Variants in BIRC6 observed in about 807,000 individuals in gnomAD.
BIRC6 encodes dual E2 ubiquitin-conjugating enzyme/E3 ubiquitin-protein ligase BIRC6.
In BIRC6, 98 loss-of-function variants were observed where a neutral mutation model predicts 503.3. The ratio of observed to expected loss-of-function variants is 0.19; its 90% confidence interval spans 0.17 to 0.23. The LOEUF is 0.23. Ranked by LOEUF, BIRC6 falls within the 10% of genes least tolerant of loss-of-function variation. BIRC6 has a pLI of 1.00. For synonymous variants in BIRC6, 2,240 were observed against 2,078.7 expected (o/e 1.08, Z -2.11); for missense variants, 5,360 against 5,806.0 (o/e 0.92, Z 2.50).
chr2:32,441,190 G>A (rs1031835956), intron 16 of BIRC6, 139 bp from the exon 17 acceptor site: 6 of 648,052 alleles, frequency 9.3e-6, no homozygotes, highest in African/African-American at 9.1e-5. Flanking sequence ...GAATATGAGG[G>A]TACAAGCTAT....
chr2:32,400,793 CAT>C (rs761524706), intron 6 of BIRC6, among the ~76,000 whole-genome samples: 3 of 152,056 alleles, frequency 2.0e-5, no homozygotes, highest in Non-Finnish European at 4.4e-5. Flanking sequence ...TAAATTGAAA[CAT>C]AGTAGTTAAT....
chr2:32,580,352 A>G (rs527902456), intron 66 of BIRC6, among the ~76,000 whole-genome samples: 60 of 152,212 alleles, frequency 3.9e-4, no homozygotes, highest in Non-Finnish European at 7.8e-4. Context: ...TAAAGGATAC[A>G]TAGGAATTAA....
chr2:32,466,943 C>G (rs935717183), intron 26 of BIRC6, among the ~76,000 whole-genome samples: 13 of 151,904 alleles, frequency 8.6e-5, no homozygotes, highest in African/African-American at 3.1e-4. Context: ...CTTGGTGAAA[C>G]CCTGTCTCTA....
intron 21 of BIRC6, among the ~76,000 whole-genome samples, chr2:32,446,508 C>A (rs962539514): frequency 2.6e-5 from 4 of 152,124 alleles, no homozygotes; most frequent in African/African-American, 9.7e-5. Flanking sequence ...ACATTTTACT[C>A]AAAGCCTTTG....
At chr2:32,543,196 G>T (rs768316591) in intron 61 of BIRC6, 45 bp from the exon 62 acceptor site, 2 of 1,556,464 alleles carry the variant, frequency 1.3e-6, no homozygotes, top group East Asian at 2.3e-5. Context: ...TGAATCTGAT[G>T]TTGAAAATGT....
intron 13 of BIRC6, 139 bp downstream of exon 13, chr2:32,433,943 T>A (rs2044407862): frequency 7.3e-6 from 5 of 680,714 alleles, no homozygotes; most frequent in Non-Finnish European, 1.1e-5. Flanking sequence ...GTGATTTTAT[T>A]TAAAAAAGTA....
At chr2:32,516,575 C>A (rs1572751457) in intron 55 of BIRC6, among the ~76,000 whole-genome samples, 2 of 125,634 alleles carry the variant, frequency 1.6e-5, no homozygotes, top group South Asian at 2.5e-4. Context: ...GTCTGGGTGA[C>A]AGAGTGAGAC....
At chr2:32,531,267 A>G (rs2056729280) in intron 60 of BIRC6, 88 bp from the exon 61 acceptor site, 1 of 1,108,540 alleles carries the variant, frequency 9.0e-7, no homozygotes, top group Non-Finnish European at 1.3e-6. Context: ...GTAGCAAGAA[A>G]GCAGTAATAC....
rs542973803 is a variant in BIRC6 at position 32,482,920 on chromosome 2, G to T, written c.7696+338G>T. 4.6e-4 allele frequency among the ~76,000 whole-genome samples: 65 copies of T among 142,458 alleles called. 1 individual carries two copies. The South Asian group carries it at 0.015, about 32-fold the overall frequency. 93.5% of individuals were successfully genotyped at this position (142,458 alleles called of 152,430 possible). A position where few individuals can be genotyped will look rare whatever the true frequency, so the allele number is the denominator to read the frequency against. ...ACATTAAATAAGTATTATTTTTGCAGTTTTTTTTTTTTTTTGAGATGGAGT... is the reference window on the plus strand; with the variant it reads ...ACATTAAATAAGTATTATTTTTGCATTTTTTTTTTTTTTTTGAGATGGAGT... On this transcript the variant is annotated intron_variant, in intron 39 of 73. Transcript: ENST00000421745.
intron 59 of BIRC6, 136 bp downstream of exon 59, chr2:32,525,764 A>G: frequency 1.3e-6 from 1 of 794,782 alleles, no homozygotes. Flanking sequence ...CTTCTTCCAT[A>G]CAGTTCCTCC....
chr2:32,503,353 A>T (rs1380221307), intron 49 of BIRC6, 117 bp downstream of exon 49: 1 of 842,224 alleles, frequency 1.2e-6, no homozygotes, highest in Non-Finnish European at 1.8e-6. Context: ...TTAATTACAA[A>T]CAGTTTATTT....
chr2:32,439,448 A>T, intron 15 of BIRC6, 60 bp from the exon 16 acceptor site: 1 of 1,490,632 alleles, frequency 6.7e-7, no homozygotes, highest in East Asian at 2.3e-5. Flanking sequence ...TATGAAGATG[A>T]AAAACAGTGG....
At chr2:32,604,067 C>CT (rs1242743705) in intron 71 of BIRC6, among the ~76,000 whole-genome samples, 1 of 151,888 alleles carries the variant, frequency 6.6e-6, no homozygotes, top group East Asian at 1.9e-4. Flanking sequence ...TTGCATGCCT[C>CT]TAATATATTT....
chr2:32,590,915 T>G (rs931097787), intron 66 of BIRC6: 1 of 985,750 alleles, frequency 1.0e-6, no homozygotes, highest in African/African-American at 1.7e-5. Flanking sequence ...CTCAAAGACC[T>G]ACTTCCAGCT....
intron 9 of BIRC6, among the ~76,000 whole-genome samples, chr2:32,412,004 G>A (rs1227637448): frequency 6.6e-6 from 1 of 151,708 alleles, no homozygotes; most frequent in African/African-American, 2.4e-5. Context: ...GGTCTTGAAC[G>A]GAACTCCTAA....
intron 48 of BIRC6, 43 bp downstream of exon 48, chr2:32,502,934 T>C (rs1185550165): frequency 6.5e-7 from 1 of 1,548,560 alleles, no homozygotes; most frequent in Non-Finnish European, 8.8e-7. Flanking sequence ...TGTAGTTATG[T>C]GATAGTATGT....
At chr2:32,426,905 TAGAG>T (rs1256691092) in intron 10 of BIRC6, among the ~76,000 whole-genome samples, 1 of 152,242 alleles carries the variant, frequency 6.6e-6, no homozygotes, top group African/African-American at 2.4e-5. Flanking sequence ...TAATGCTACA[TAGAG>T]AATCTGTTGA....
chr2:32,551,202 A>C (rs545821165), intron 65 of BIRC6, among the ~76,000 whole-genome samples: 2 of 151,182 alleles, frequency 1.3e-5, no homozygotes, highest in Non-Finnish European at 2.9e-5. Flanking sequence ...GTACATATAT[A>C]ATTAAGTAAA....
chr2:32,592,636 C>A (rs1363498628), intron 66 of BIRC6, among the ~76,000 whole-genome samples: 4 of 151,570 alleles, frequency 2.6e-5, no homozygotes, highest in African/African-American at 9.7e-5. Context: ...ACTCTTGTTG[C>A]CCAGGCTGGA....
Sources: allele counts gnomAD v4.1 joint callset (sites outside exome capture counted in the v4.1 genomes callset), GRCh38; gene constraint gnomAD v4.1.1; transcripts MANE v1.5; gene names NCBI Gene and HGNC (gene_info 2026-07-23, HGNC 2026-07-21).